EP400: variants seen among roughly 807,000 people sequenced by gnomAD.
EP400 encodes E1A-binding protein p400.
In EP400, 105 loss-of-function variants were observed where a neutral mutation model predicts 354.1. The observed-to-expected ratio is 0.30, with a 90% confidence interval of 0.25 to 0.35. The LOEUF (loss-of-function observed/expected upper bound fraction) is 0.35. Ranked by LOEUF, EP400 falls within the 10% of genes least tolerant of loss-of-function variation. EP400 has a pLI of 1.00. For synonymous variants in EP400, 1,646 were observed against 1,716.9 expected (o/e 0.96, Z 1.02); for missense variants, 3,280 against 4,121.0 (o/e 0.80, Z 5.59).
At chr12:132,048,658 G>A (rs1895194361) in intron 39 of EP400, among the ~76,000 whole-genome samples, 1 of 152,016 alleles carries the variant, frequency 6.6e-6, no homozygotes, top group East Asian at 1.9e-4. Flanking sequence ...GAGTAGCTGG[G>A]ATTACAGGTG....
chr12:132,020,894 C>G (rs1021636394), intron 22 of EP400, among the ~76,000 whole-genome samples, 185 bp from the exon 23 acceptor site: 11 of 152,236 alleles, frequency 7.2e-5, no homozygotes, highest in Admixed American at 5.2e-4. Context: ...TAATTATCAA[C>G]AAGTAAAATT....
At chr12:132,072,457 G>A (rs913092542) in intron 51 of EP400, among the ~76,000 whole-genome samples, 2 of 152,108 alleles carry the variant, frequency 1.3e-5, no homozygotes, top group African/African-American at 2.4e-5. Flanking sequence ...TTAATTTCCA[G>A]GTGAGGTTTT....
chr12:132,076,913 C>T (rs7957304), intron 52 of EP400, among the ~76,000 whole-genome samples: 3,042 of 152,330 alleles, frequency 0.02, 105 homozygotes, highest in African/African-American at 0.069. Context: ...AAGCAGGCTC[C>T]GCTCGGGGCC....
chr12:132,026,083 C>A (rs1296018365), intron 25 of EP400, among the ~76,000 whole-genome samples: 1 of 152,212 alleles, frequency 6.6e-6, no homozygotes, highest in Non-Finnish European at 1.5e-5. Flanking sequence ...CATGAGAAAT[C>A]TTGCTTGTTT....
At chr12:132,020,027 G>A (rs764423467) in intron 21 of EP400, 22 bp from the exon 22 acceptor site, 1 of 1,510,330 alleles carries the variant, frequency 6.6e-7, no homozygotes, top group South Asian at 1.3e-5. Context: ...GTATCTTCTT[G>A]CCTGGACCAA....
At chr12:131,980,488 A>C (rs1320384577) in intron 3 of EP400, among the ~76,000 whole-genome samples, 1 of 152,112 alleles carries the variant, frequency 6.6e-6, no homozygotes, top group Non-Finnish European at 1.5e-5. Flanking sequence ...TGTCTGTTAC[A>C]GTGAGCTAAG....
intron 5 of EP400, among the ~76,000 whole-genome samples, chr12:131,983,926 A>T (rs1593325276): frequency 6.8e-6 from 1 of 147,862 alleles, no homozygotes; most frequent in South Asian, 2.2e-4. Flanking sequence ...TTTTAGACGG[A>T]GTTTCGCTCT....
At position 132,050,285 on chromosome 12, in the gene EP400, T is replaced by C. The variant is rs757284625; in HGVS notation, c.7201-38T>C. 1 of 1,611,832 alleles carries C rather than the reference T, an allele frequency of 6.2e-7. No individual in the cohort carries two copies. Among genetic ancestry groups the C allele is most frequent in the African/African-American group, 1.3e-5 (1 of 74,890 alleles). The stretch of plus-strand genomic sequence containing the variant: ...GTCCCACGCAGCCGTCTGTCCATGC[T>C]GCCTAATTCAGATGCACTCTCGTCA... On this transcript the variant is annotated intron_variant, in intron 39 of 52. Coordinates refer to ENST00000389561, the MANE Select transcript of EP400 (RefSeq NM_015409.5). The surrounding 1 kb of genome is among the most constrained non-coding windows in gnomAD (Gnocchi z 4.8).
rs983444704 is a variant in EP400 at position 132,038,464 on chromosome 12, T to G, written c.6207+368T>G. On this transcript the variant is annotated intron_variant, in intron 32 of 52. Coordinates refer to ENST00000389561, the MANE Select transcript of EP400 (RefSeq NM_015409.5). This position sits in a 1 kb window ranked among gnomAD's most constrained non-coding sequence, Gnocchi z 4.2. ...CTCCCCTCTAGCTGGCTGTGTTGGC[T>G]TCTCCCTGAGCAGTGCAGCCATGAG... 3.3e-5 allele frequency among the ~76,000 whole-genome samples: 5 copies of G among 152,192 alleles called. No individual in the cohort carries two copies. The highest frequency in any genetic ancestry group is 9.6e-5 in the African/African-American group (4 of 41,460).
intron 5 of EP400, among the ~76,000 whole-genome samples, chr12:131,984,994 CTT>C (rs888652796): frequency 1.3e-4 from 20 of 152,068 alleles, no homozygotes; most frequent in African/African-American, 4.6e-4. Context: ...CACATAATAT[CTT>C]ATGCATGCTT....
chr12:132,073,228 CT>C (rs56108246), intron 51 of EP400, among the ~76,000 whole-genome samples: 82,013 of 125,294 alleles, frequency 0.65, 25,364 homozygotes, highest in East Asian at 0.77. Flanking sequence ...GCCACCTTCT[CT>C]TTTTTTTTTT....
At chr12:132,065,472 T>G (rs998197573) in intron 48 of EP400, 3 of 154,804 alleles carry the variant, frequency 1.9e-5, no homozygotes, top group African/African-American at 7.2e-5. Flanking sequence ...CACCCTGAGC[T>G]AGACTTTGCC....
At position 131,960,714 on chromosome 12, in the gene EP400, C is replaced by T. The variant is rs1362297316; in HGVS notation, c.95C>T (p.Pro32Leu). 6.4e-7 allele frequency: 1 copy of T among 1,559,946 alleles called. No individual in the cohort carries two copies. The highest frequency in any genetic ancestry group is 8.7e-7 in the Non-Finnish European group (1 of 1,152,218). ...GAGGGTGAGGAGCAGCCGGCCCACC[C>T]CAACCCACCCCCGTCCCCCGCAGCT... ...GSEGEEQPAH[P>L]NPPPSPAAPF... The change falls in exon 2 of 53, where the codon CCC (proline) becomes CTC (leucine). Residue 32 changes from proline (P) to leucine (L), a missense_variant. Pro to Leu is a moderately conservative substitution (Grantham distance 98). This residue lies in a region of EP400 where 172 missense variants were observed against 242.9 expected (regional missense o/e 0.71). Transcript: ENST00000389561.
intron 2 of EP400, among the ~76,000 whole-genome samples, chr12:131,968,552 TG>T (rs1225025057): frequency 6.6e-6 from 1 of 152,252 alleles, no homozygotes; most frequent in Non-Finnish European, 1.5e-5. Flanking sequence ...TTGGTCATTC[TG>T]GTTCCTTTCC....
rs529938092 is a variant in EP400 at position 132,037,515 on chromosome 12, G to C, written c.5952-167G>C. Among the ~76,000 whole-genome samples the C allele has an allele frequency of 2.9e-3, 443 of 152,316 alleles. 4 individuals carry two copies. Among genetic ancestry groups the C allele is most frequent in the African/African-American group, 0.01 (429 of 41,574 alleles). On this transcript the variant is annotated intron_variant, in intron 30 of 52. Coordinates refer to ENST00000389561, the MANE Select transcript of EP400 (RefSeq NM_015409.5). ...CTGGGAGGCGGGAGAGCTAAGATTG[G>C]AGGGGCTGGCTGAGAGCGGCCTTTG...
intron 29 of EP400, chr12:132,031,350 A>G (rs757876666): frequency 1.9e-6 from 1 of 519,144 alleles, no homozygotes; most frequent in South Asian, 1.4e-5. Flanking sequence ...CTACAAGTTG[A>G]GCTGACAGTA....
At position 132,052,833 on chromosome 12, in the gene EP400, C is replaced by T. The variant is rs559950761; in HGVS notation, c.7395-313C>T. The stretch of plus-strand genomic sequence containing the variant: ...CAGAAGGAACAGACAGAGATTTTCC[C>T]AAGTACAGTGCAGACACATGAGGTG... On this transcript the variant is annotated intron_variant, in intron 41 of 52. Transcript: ENST00000389561. This position sits in a 1 kb window ranked among gnomAD's most constrained non-coding sequence, Gnocchi z 4.4. 1.3e-5 allele frequency among the ~76,000 whole-genome samples: 2 copies of T among 152,130 alleles called. No individual in the cohort carries two copies. The highest frequency in any genetic ancestry group is 2.9e-5 in the Non-Finnish European group (2 of 68,028).
At position 132,077,596 on chromosome 12, in the gene EP400, C is replaced by T. The variant is rs1489700172; in HGVS notation, c.9295C>T (p.Pro3099Ser). Residue 3099 changes from proline to serine, a missense_variant, in exon 53 of 53, where the codon CCA becomes TCA. Physicochemically the swap from Pro to Ser is moderately conservative, Grantham distance 74. Transcript: ENST00000389561. ...PAQVPASSDS[P>S]SQQPKLQMRV... ...CCAGGTGCCCGCCAGCTCCGACAGC[C>T]CAAGCCAGCAGCCCAAGTTACAGAT... The T allele has an allele frequency of 8.1e-6, 13 of 1,613,868 alleles. No homozygotes were observed. Among genetic ancestry groups the T allele is most frequent in the Non-Finnish European group, 1.1e-5 (13 of 1,179,974 alleles).
chr12:132,013,728 T>C lies in EP400; in HGVS notation c.3787-49T>C, dbSNP rs202143935. On this transcript the variant is annotated intron_variant, in intron 18 of 52. Coordinates refer to ENST00000389561, the MANE Select transcript of EP400 (RefSeq NM_015409.5). This position sits in a 1 kb window ranked among gnomAD's most constrained non-coding sequence, Gnocchi z 4.5. ...ATGCGTATGCCTTGTTATAAACGTG[T>C]TACAGCAGCATTTTTGGAAAGAAAA... The C allele has an allele frequency of 5.0e-5, 80 of 1,611,058 alleles. No homozygotes were observed. The highest frequency in any genetic ancestry group is 6.8e-5 in the Non-Finnish European group (80 of 1,178,406).
Sources: allele counts gnomAD v4.1 joint callset (sites outside exome capture counted in the v4.1 genomes callset), GRCh38; gene constraint gnomAD v4.1.1; regional missense constraint gnomAD v4.1.1; non-coding constraint Gnocchi (gnomAD v3.1); transcripts MANE v1.5; gene names NCBI Gene and HGNC (gene_info 2026-07-23, HGNC 2026-07-21).